The following CASC3 variants were observed in gnomAD, a reference collection of about 807,000 sequenced individuals.
CASC3 encodes protein CASC3.
CASC3 carries 30 observed loss-of-function variants against 80.5 expected under a neutral mutation model. The ratio of observed to expected loss-of-function variants is 0.37; its 90% confidence interval spans 0.28 to 0.51. The LOEUF is 0.51. Ranked by LOEUF, CASC3 falls within the 20% of genes least tolerant of loss-of-function variation. The pLI, the probability that CASC3 is intolerant of heterozygous loss-of-function variation, is 0.94. For missense variants in CASC3, 824 were observed against 922.2 expected (o/e 0.89, Z 1.38); for synonymous variants, 312 against 333.6 (o/e 0.94, Z 0.70).
At chr17:40,146,417 C>T (rs1032844770) in intron 3 of CASC3, among the ~76,000 whole-genome samples, 1 of 151,086 alleles carries the variant, frequency 6.6e-6, no homozygotes, top group African/African-American at 2.4e-5. Context: ...TCCAGCATCT[C>T]GAGAAGTACG....
Position 40,172,165 on chromosome 17 carries a change from A to C in CASC3, c.*1760A>C. ...TTGGAGATAATAAAATTTAGACTAT[A>C]AACTTGGCTCCCTTGCCAGTGTTTT... On this transcript the variant is annotated 3_prime_UTR_variant, in exon 14 of 14. Transcript: ENST00000264645. 1 of 1,289,738 alleles carries C rather than the reference A, an allele frequency of 7.8e-7. No individual in the cohort carries two copies. Among genetic ancestry groups the C allele is most frequent in the Non-Finnish European group, 1.0e-6 (1 of 988,740 alleles). 79.9% of individuals were successfully genotyped at this position (1,289,738 alleles called of 1,614,324 possible).
intron 3 of CASC3, among the ~76,000 whole-genome samples, chr17:40,149,990 T>C (rs1363769529): frequency 6.6e-6 from 1 of 151,736 alleles, no homozygotes; most frequent in African/African-American, 2.4e-5. Context: ...TGAGAAGATG[T>C]AGGAACCAGA....
At chr17:40,169,742 C>CTTTTTTTTTTTTTTTT (rs56186811) in intron 13 of CASC3, 80 bp downstream of exon 13, 3 of 91,808 alleles carry the variant, frequency 3.3e-5, no homozygotes, top group African/African-American at 2.6e-4. Context: ...TTAATTAATG[C>CTTTTTTTTTTTTTTTT]TTTTTTTTTT....
Position 40,156,691 on chromosome 17 carries a change from T to TA in CASC3, c.298-5053dup, listed in dbSNP as rs200855694. On this transcript the variant is annotated intron_variant, in intron 3 of 13. Coordinates refer to ENST00000264645, the MANE Select transcript of CASC3 (RefSeq NM_007359.5). ...GCGACAGAGTGAGACTCCGTTTCAA[T>TA]AAAAAAAAATTAAAAAAATAAAATA... Among the ~76,000 whole-genome samples, 1,055 of 150,334 alleles carry TA rather than the reference T, an allele frequency of 7.0e-3. 10 individuals carry two copies. Among genetic ancestry groups the TA allele is most frequent in the Middle Eastern group, 0.014 (4 of 292 alleles).
rs748439920 is a variant in CASC3 at position 40,168,268 on chromosome 17, A to G, written c.1816A>G (p.Met606Val). 3.1e-6 allele frequency: 5 copies of G among 1,613,850 alleles called. No homozygotes were observed. Among genetic ancestry groups the G allele is most frequent in the South Asian group, 2.2e-5 (2 of 91,068 alleles). ...AGGCCTCTATCCCCCACCAGTGTCC[A>G]TGTCTCCAGGACAGCCACCACCTCA... ...NPGLYPPPVS[M>V]SPGQPPPQQL... Residue 606 changes from methionine (M) to valine (V), a missense_variant, in exon 11 of 14, where the codon ATG becomes GTG. Around this residue, in one of 3 missense-constraint regions of CASC3, gnomAD observed 464 missense variants for 506.0 expected, o/e 0.92. Coordinates refer to ENST00000264645, the MANE Select transcript of CASC3 (RefSeq NM_007359.5).
At chr17:40,151,238 G>A (rs546066346) in intron 3 of CASC3, among the ~76,000 whole-genome samples, 4 of 152,148 alleles carry the variant, frequency 2.6e-5, no homozygotes, top group African/African-American at 9.6e-5. Context: ...TTGAGACAGA[G>A]TCTTGCTCTG....
intron 3 of CASC3, among the ~76,000 whole-genome samples, chr17:40,154,697 C>G (rs1989102145): frequency 6.6e-6 from 1 of 152,030 alleles, no homozygotes; most frequent in Non-Finnish European, 1.5e-5. Flanking sequence ...TTTGATGAAG[C>G]CTGGTTTATG....
chr17:40,163,295 C>T (rs112034599), intron 6 of CASC3, among the ~76,000 whole-genome samples, 186 bp from the exon 7 acceptor site: 1 of 151,906 alleles, frequency 6.6e-6, no homozygotes, highest in Non-Finnish European at 1.5e-5. Context: ...CTATCGCGAT[C>T]GGCTAATTTT....
rs933056536 is a variant in CASC3, at chr17:40,167,588, A to G, written c.1627A>G (p.Met543Val). ...CGCCCCTCCAGTGCATATCAGTATC[A>G]TGGAGGGACATTACTATGATCCACG... is the stretch of plus-strand genomic sequence containing the variant. ...PPAPPVHISIMEGHYYDPLQF... is the reference protein window; with the variant it reads ...PPAPPVHISIVEGHYYDPLQF... Residue 543 changes from methionine to valine, a missense_variant, in exon 9 of 14, where the codon ATG becomes GTG. By Grantham distance (21) the Met-to-Val change is conservative. This residue lies in a region of CASC3 where 464 missense variants were observed against 506.0 expected (regional missense o/e 0.92). Transcript: ENST00000264645. 9 of 1,613,124 alleles carry G rather than the reference A, an allele frequency of 5.6e-6. No homozygotes were observed. The highest frequency in any genetic ancestry group is 7.6e-6 in the Non-Finnish European group (9 of 1,179,136).
At chr17:40,168,151 C>G (rs368381859) in intron 10 of CASC3, 52 bp from the exon 11 acceptor site, 13 of 1,521,456 alleles carry the variant, frequency 8.5e-6, no homozygotes, top group Middle Eastern at 1.7e-4. Context: ...CCGGGCCATC[C>G]TGTGAAAATG....
chr17:40,146,838 C>T (rs1033844851), intron 3 of CASC3, among the ~76,000 whole-genome samples: 1 of 152,142 alleles, frequency 6.6e-6, no homozygotes, highest in Non-Finnish European at 1.5e-5. Context: ...CCACCTTGGC[C>T]TCCCAAAGTG....
At chr17:40,168,044 C>T in intron 10 of CASC3, 96 bp downstream of exon 10, 2 of 1,375,196 alleles carry the variant, frequency 1.5e-6, no homozygotes, top group South Asian at 2.4e-5. Context: ...TGCTGCTAGC[C>T]TGGGAGTCTG....
At chr17:40,150,609 A>C (rs1988979360) in intron 3 of CASC3, among the ~76,000 whole-genome samples, 1 of 152,132 alleles carries the variant, frequency 6.6e-6, no homozygotes, top group African/African-American at 2.4e-5. Context: ...AGTGAATGTG[A>C]GAAAGGACTG....
At position 40,170,584 on chromosome 17, in the gene CASC3, TAG is replaced by T. The variant is rs1241012919; in HGVS notation, c.*186_*187del. ...CCTGCCTTCCTCTGAGGACAGGCTC[TAG>T]AGAGAGGGAGAAACAAGTGGACCTC... On this transcript the variant is annotated 3_prime_UTR_variant, in exon 14 of 14. Coordinates refer to ENST00000264645, the MANE Select transcript of CASC3 (RefSeq NM_007359.5). 2 of 985,614 alleles carry T rather than the reference TAG, an allele frequency of 2.0e-6. No individual in the cohort carries two copies. Among genetic ancestry groups the T allele is most frequent in the South Asian group, 9.4e-5 (2 of 21,288 alleles). The allele number at this position is 985,614 out of a possible 1,614,324, so 61.1% of individuals were successfully genotyped here.
intron 3 of CASC3, among the ~76,000 whole-genome samples, chr17:40,142,762 G>A (rs934771875): frequency 1.3e-5 from 2 of 152,092 alleles, no homozygotes; most frequent in African/African-American, 2.4e-5. Flanking sequence ...TTAGCTGGGC[G>A]TGGTGGCGGG....
intron 3 of CASC3, among the ~76,000 whole-genome samples, chr17:40,153,783 T>C (rs1989072459): frequency 6.6e-6 from 1 of 152,002 alleles, no homozygotes; most frequent in Non-Finnish European, 1.5e-5. Context: ...TCTAAAACTT[T>C]TTTTTTTTGG....
Position 40,171,473 on chromosome 17 carries a change from C to T in CASC3, c.*1068C>T. ...AGCAAGCAGTCTACCCTGTCCTTTG[C>T]AATTGCTCTTCTCCACGTCTTTCCT... On this transcript the variant is annotated 3_prime_UTR_variant, in exon 14 of 14. Transcript: ENST00000264645. 2.0e-6 allele frequency: 2 copies of T among 987,480 alleles called. No individual in the cohort carries two copies. The highest frequency in any genetic ancestry group is 2.4e-6 in the Non-Finnish European group (2 of 830,904). The allele number at this position is 987,480 out of a possible 1,614,324, so 61.2% of individuals were successfully genotyped here.
At chr17:40,169,705 C>A in intron 13 of CASC3, 43 bp downstream of exon 13, 1 of 648,002 alleles carries the variant, frequency 1.5e-6, no homozygotes, top group Non-Finnish European at 2.4e-6. Context: ...AACTAATGCT[C>A]ACACTTGCTT....
chr17:40,166,801 G>A lies in CASC3; in HGVS notation c.1476G>A (p.Met492Ile). Residue 492 changes from methionine to isoleucine, a missense_variant, in exon 8 of 14, where the codon ATG becomes ATA. Transcript: ENST00000264645. ...SFLQPRELRG[M>I]PNHIHMGAGP... ...GACTTTTTTGGTGTATTACAGGTAT[G>A]CCCAACCATATACACATGGGAGCAG... 1 of 1,596,148 alleles carries A rather than the reference G, an allele frequency of 6.3e-7. No homozygotes were observed. The highest frequency in any genetic ancestry group is 8.5e-7 in the Non-Finnish European group (1 of 1,174,310).
Sources: allele counts gnomAD v4.1 joint callset (sites outside exome capture counted in the v4.1 genomes callset), GRCh38; gene constraint gnomAD v4.1.1; regional missense constraint gnomAD v4.1.1; transcripts MANE v1.5; gene names NCBI Gene and HGNC (gene_info 2026-07-23, HGNC 2026-07-21).